Variants in ANO2 observed in about 807,000 individuals in gnomAD.
ANO2 encodes the protein anoctamin 2, also known as anoctamin-2.
Under a neutral mutation model 124.2 loss-of-function variants are expected in ANO2, and 101 were observed. The ratio of observed to expected loss-of-function variants is 0.81; its 90% CI spans 0.69 to 0.96. The LOEUF (loss-of-function observed/expected upper bound fraction) is 0.96, where lower values mean the gene tolerates loss of function less well. Among genes scored for constraint, ANO2 ranks in the 40% least tolerant of loss-of-function variants. The pLI is 0.00. For synonymous variants in ANO2, 486 were observed against 482.5 expected (o/e 1.01, Z -0.09); for missense variants, 1,293 against 1,274.5 (o/e 1.01, Z -0.22).
At chr12:5,676,173 A>G (rs1159544642) in intron 14 of ANO2, among the ~76,000 whole-genome samples, 1 of 152,222 alleles carries the variant, frequency 6.6e-6, no homozygotes, top group Non-Finnish European at 1.5e-5. Context: ...CCTGGAGGGG[A>G]AGATGTTCTC....
At chr12:5,629,959 T>TA (rs1945626474) in intron 16 of ANO2, among the ~76,000 whole-genome samples, 1 of 152,254 alleles carries the variant, frequency 6.6e-6, no homozygotes, top group Non-Finnish European at 1.5e-5. Flanking sequence ...GGACAATCAC[T>TA]GTTTTTATCC....
At chr12:5,933,075 C>T (rs1411249205) in intron 1 of ANO2, among the ~76,000 whole-genome samples, 2 of 152,182 alleles carry the variant, frequency 1.3e-5, no homozygotes, top group African/African-American at 4.8e-5. Context: ...GGAGTCCCCA[C>T]AAGGGGCCAG....
At chr12:5,589,426 C>T (rs1943285874) in intron 20 of ANO2, among the ~76,000 whole-genome samples, 1 of 152,040 alleles carries the variant, frequency 6.6e-6, no homozygotes, top group Non-Finnish European at 1.5e-5. Context: ...GGATTATCAG[C>T]CCATAAATAA....
chr12:5,702,034 A>T (rs1458903180), intron 14 of ANO2, among the ~76,000 whole-genome samples: 9 of 152,208 alleles, frequency 5.9e-5, no homozygotes, highest in Non-Finnish European at 1.3e-4. Flanking sequence ...AATAAAAAAT[A>T]AAAAAATAAT....
rs75708679 is a variant in ANO2, at chr12:5,756,403, C to T, written c.1056-5433G>A. Among the ~76,000 whole-genome samples, 21 of 152,146 alleles carry T rather than the reference C, an allele frequency of 1.4e-4. 1 individual carries two copies. The East Asian group carries it at 3.7e-3, about 27-fold the overall frequency. On this transcript the variant is annotated intron_variant, in intron 10 of 24. Coordinates refer to ENST00000682330, the MANE Select transcript of ANO2 (RefSeq NM_001364791.2). ...TTTTCAGCTCCTAATAAGGTAGTAT[C>T]GAGAATTCCTGATTCTTTGTGATCC...
intron 3 of ANO2, among the ~76,000 whole-genome samples, chr12:5,886,584 A>G (rs368317738): frequency 1.3e-4 from 20 of 152,248 alleles, no homozygotes; most frequent in African/African-American, 4.6e-4. Flanking sequence ...CACAAATACA[A>G]AATGAAATTT....
At chr12:5,629,604 C>T (rs531159786) in intron 16 of ANO2, among the ~76,000 whole-genome samples, 2 of 152,296 alleles carry the variant, frequency 1.3e-5, no homozygotes, top group East Asian at 3.9e-4. Flanking sequence ...CCTGCTTCCT[C>T]CCCTAGGACC....
chr12:5,794,727 A>G (rs1303775410), intron 10 of ANO2, among the ~76,000 whole-genome samples: 1 of 152,178 alleles, frequency 6.6e-6, no homozygotes, highest in Admixed American at 6.5e-5. Context: ...TAAAGGCCAT[A>G]AGCTCTCCCT....
At chr12:5,633,268 T>A (rs911197435) in intron 16 of ANO2, among the ~76,000 whole-genome samples, 8 of 152,186 alleles carry the variant, frequency 5.3e-5, no homozygotes, top group African/African-American at 1.9e-4. Context: ...CAGGTGTTCT[T>A]CTATGCCTCT....
chr12:5,793,792 C>G (rs1433528637), intron 10 of ANO2, among the ~76,000 whole-genome samples: 1 of 152,220 alleles, frequency 6.6e-6, no homozygotes, highest in Non-Finnish European at 1.5e-5. Flanking sequence ...TAGCTGCTAC[C>G]TTGAACTGGA....
At chr12:5,805,613 CAT>C (rs781381038) in intron 9 of ANO2, among the ~76,000 whole-genome samples, 4 of 152,192 alleles carry the variant, frequency 2.6e-5, no homozygotes, top group Admixed American at 6.5e-5. Context: ...TGGATCATCA[CAT>C]GTTTTAAGCA....
At chr12:5,858,001 A>G (rs1955157478) in intron 3 of ANO2, among the ~76,000 whole-genome samples, 1 of 152,210 alleles carries the variant, frequency 6.6e-6, no homozygotes, top group African/African-American at 2.4e-5. Context: ...AGAGCATAGA[A>G]TTGTGGTTAT....
At chr12:5,848,363 C>G (rs532526934) in intron 4 of ANO2, among the ~76,000 whole-genome samples, 112 of 146,740 alleles carry the variant, frequency 7.6e-4, no homozygotes, top group African/African-American at 2.6e-3. Context: ...CTACTTCCCC[C>G]CCTCCCCAGT....
chr12:5,770,349 G>A (rs1055407040), intron 10 of ANO2, among the ~76,000 whole-genome samples: 7 of 152,146 alleles, frequency 4.6e-5, no homozygotes, highest in South Asian at 4.2e-4. Flanking sequence ...ACATTTCCCC[G>A]TGAGTGGCTA....
chr12:5,817,703 G>A (rs1268445837), intron 7 of ANO2, among the ~76,000 whole-genome samples: 1 of 152,212 alleles, frequency 6.6e-6, no homozygotes, highest in East Asian at 1.9e-4. Context: ...GCAGGAGAGA[G>A]AGAGGAGAGA....
intron 19 of ANO2, among the ~76,000 whole-genome samples, chr12:5,600,413 A>G (rs548979217): frequency 6.6e-6 from 1 of 152,322 alleles, no homozygotes; most frequent in Non-Finnish European, 1.5e-5. Flanking sequence ...AGCCTATGGC[A>G]TTTTGTTACA....
At chr12:5,570,417 T>C (rs1168912485) in intron 23 of ANO2, among the ~76,000 whole-genome samples, 1 of 151,566 alleles carries the variant, frequency 6.6e-6, no homozygotes, top group Non-Finnish European at 1.5e-5. Flanking sequence ...AGAATTTTTG[T>C]AGAACTAGAT....
intron 19 of ANO2, among the ~76,000 whole-genome samples, chr12:5,602,355 A>G (rs1465272250): frequency 6.6e-6 from 1 of 151,912 alleles, no homozygotes; most frequent in East Asian, 1.9e-4. Flanking sequence ...GGCTCAAGCT[A>G]TCATCCCACC....
At position 5,945,230 on chromosome 12, in the gene ANO2, G is replaced by T. The variant is rs1251159570; in HGVS notation, c.-13C>A. The T allele has an allele frequency of 7.8e-7, 1 of 1,285,958 alleles. No homozygotes were observed. Among genetic ancestry groups the T allele is most frequent in the Non-Finnish European group, 1.0e-6 (1 of 986,820 alleles). The allele number at this position is 1,285,958 out of a possible 1,614,324, so 79.7% of individuals were successfully genotyped here. ...CGGGAGTCGCCATGATGTGGACGCAGACCCCGCCGGCCCGCGGCCGCGCGC... is the reference window on the plus strand; with the variant it reads ...CGGGAGTCGCCATGATGTGGACGCATACCCCGCCGGCCCGCGGCCGCGCGC... On this transcript the variant is annotated 5_prime_UTR_variant, in exon 1 of 25. The change creates a new upstream start codon in the 5' untranslated region. Coordinates refer to ENST00000682330, the MANE Select transcript of ANO2 (RefSeq NM_001364791.2).
Sources: allele counts gnomAD v4.1 joint callset (sites outside exome capture counted in the v4.1 genomes callset), GRCh38; gene constraint gnomAD v4.1.1; transcripts MANE v1.5; gene names NCBI Gene and HGNC (gene_info 2026-07-23, HGNC 2026-07-21).